TCERG1L: variants seen among roughly 807,000 people sequenced by gnomAD.
TCERG1L encodes transcription elongation regulator 1 like, also known as transcription elongation regulator 1-like protein.
Under a neutral mutation model 56.3 loss-of-function variants are expected in TCERG1L, and 37 were observed. The observed-to-expected ratio is 0.66, with a 90% CI of 0.51 to 0.87. The LOEUF is 0.87. TCERG1L is among the 40% of genes least tolerant of loss of function. TCERG1L has a pLI of 0.00. For synonymous variants in TCERG1L, 324 were observed against 326.3 expected, an observed-to-expected ratio of 0.99 and a Z score of 0.08; for missense variants, 799 against 774.2, an observed-to-expected ratio of 1.03 and a Z score of -0.38.
intron 4 of TCERG1L, among the ~76,000 whole-genome samples, chr10:131,248,913 T>G (rs532049369): frequency 6.6e-6 from 1 of 152,302 alleles, no homozygotes; most frequent in Non-Finnish European, 1.5e-5. Flanking sequence ...CTCCAGGTCA[T>G]GCCCATCCCT....
intron 3 of TCERG1L, among the ~76,000 whole-genome samples, chr10:131,298,650 G>A (rs1846723277): frequency 6.6e-6 from 1 of 152,200 alleles, no homozygotes; most frequent in African/African-American, 2.4e-5. Context: ...CTGACCTCAG[G>A]TGATCTGCCC....
At chr10:131,259,200 C>T (rs1230950244) in intron 4 of TCERG1L, among the ~76,000 whole-genome samples, 1 of 152,212 alleles carries the variant, frequency 6.6e-6, no homozygotes, top group Non-Finnish European at 1.5e-5. Flanking sequence ...ACTGCAAACA[C>T]TCCAAAAATT....
intron 6 of TCERG1L, 38 bp from the exon 7 acceptor site, chr10:131,146,698 AG>A: frequency 6.3e-7 from 1 of 1,579,938 alleles, no homozygotes; most frequent in Non-Finnish European, 8.6e-7. Context: ...TCGCTCTCGG[AG>A]ACACTTAATT....
At position 131,202,715 on chromosome 10, in the gene TCERG1L, T is replaced by C. The variant is rs369781063; in HGVS notation, c.857-35830A>G. On this transcript the variant is annotated intron_variant, in intron 4 of 11. Transcript: ENST00000368642. ...TCCTCTCCACATTTTCAGGAATCCA[T>C]AGGCTTGCATGGAATACACTGGAAA... 3.2e-4 allele frequency among the ~76,000 whole-genome samples: 49 copies of C among 152,328 alleles called. No homozygotes were observed. In the East Asian group the frequency reaches 6.2e-3, roughly 19 times the overall value.
rs116113902 is a variant in TCERG1L at position 131,307,501 on chromosome 10, A to G, written c.670+710T>C. Among the ~76,000 whole-genome samples, 1,107 of 152,304 alleles carry G rather than the reference A, an allele frequency of 7.3e-3. 15 individuals are homozygous for G. Among genetic ancestry groups the G allele is most frequent in the African/African-American group, 0.025 (1,045 of 41,556 alleles). ...ATTCTGAAGCCATAAAATATTCCAT[A>G]ATGGAAGGTGTTGCACGACAATTTT... is the stretch of plus-strand genomic sequence containing the variant. On this transcript the variant is annotated intron_variant, in intron 3 of 11. Transcript: ENST00000368642.
chr10:131,234,279 TTAAG>T (rs1234489341), intron 4 of TCERG1L, among the ~76,000 whole-genome samples: 3 of 152,252 alleles, frequency 2.0e-5, no homozygotes, highest in African/African-American at 7.2e-5. Context: ...CTGCTACCTT[TTAAG>T]TAAGCTGTTG....
At chr10:131,106,315 C>T (rs564944991) in intron 9 of TCERG1L, among the ~76,000 whole-genome samples, 1 of 152,190 alleles carries the variant, frequency 6.6e-6, no homozygotes, top group African/African-American at 2.4e-5. Flanking sequence ...GCACTAGGGC[C>T]ATGGCGGAGA....
intron 9 of TCERG1L, among the ~76,000 whole-genome samples, chr10:131,116,254 T>TA (rs1006954615): frequency 5.5e-4 from 84 of 152,276 alleles, no homozygotes; most frequent in African/African-American, 1.3e-3. Context: ...TAATTTTATT[T>TA]AAAAAACAGT....
intron 3 of TCERG1L, among the ~76,000 whole-genome samples, chr10:131,306,993 T>C (rs1249917754): frequency 6.6e-6 from 1 of 152,214 alleles, no homozygotes; most frequent in Non-Finnish European, 1.5e-5. Context: ...AAACTACATT[T>C]GCTGGTTATT....
intron 8 of TCERG1L, among the ~76,000 whole-genome samples, chr10:131,124,534 A>C (rs1177931441): frequency 1.3e-5 from 2 of 152,208 alleles, no homozygotes; most frequent in Non-Finnish European, 2.9e-5. Context: ...AAATTTATAA[A>C]ACAAGGTGAC....
intron 3 of TCERG1L, among the ~76,000 whole-genome samples, chr10:131,297,179 G>A (rs189616062): frequency 3.2e-4 from 48 of 152,258 alleles, no homozygotes; most frequent in African/African-American, 4.3e-4. Context: ...TCAGTTTGAC[G>A]TTAGTGGTAG....
At chr10:131,111,887 G>A (rs1032543701) in intron 9 of TCERG1L, among the ~76,000 whole-genome samples, 2 of 143,284 alleles carry the variant, frequency 1.4e-5, no homozygotes, top group Admixed American at 1.4e-4. Context: ...ATAAGACACC[G>A]GCAGCCGAAA....
intron 4 of TCERG1L, among the ~76,000 whole-genome samples, chr10:131,233,314 ATTCTGTGTT>A (rs1235786760): frequency 6.6e-6 from 1 of 152,226 alleles, no homozygotes; most frequent in African/African-American, 2.4e-5. Context: ...GGTCACACTT[ATTCTGTGTT>A]TTCATTAACA....
At chr10:131,259,324 A>G (rs1180858079) in intron 4 of TCERG1L, among the ~76,000 whole-genome samples, 1 of 152,240 alleles carries the variant, frequency 6.6e-6, no homozygotes, top group Non-Finnish European at 1.5e-5. Flanking sequence ...CTGATAATCT[A>G]GCAATTAATG....
chr10:131,224,077 T>C (rs971178117), intron 4 of TCERG1L, among the ~76,000 whole-genome samples: 17 of 152,110 alleles, frequency 1.1e-4, no homozygotes, highest in African/African-American at 3.6e-4. Flanking sequence ...TGAATTCCAG[T>C]CGATTAGGAA....
At chr10:131,195,942 C>T (rs961920572) in intron 4 of TCERG1L, among the ~76,000 whole-genome samples, 1 of 152,202 alleles carries the variant, frequency 6.6e-6, no homozygotes, top group African/African-American at 2.4e-5. Context: ...ACACAGGATG[C>T]GGGAAGCTGG....
intron 4 of TCERG1L, among the ~76,000 whole-genome samples, chr10:131,231,620 G>T (rs1412103914): frequency 3.3e-5 from 5 of 152,174 alleles, no homozygotes; most frequent in Admixed American, 3.3e-4. Context: ...CGTGAGGTCT[G>T]CCACTGCCTT....
intron 6 of TCERG1L, among the ~76,000 whole-genome samples, chr10:131,153,790 T>C (rs1845891463): frequency 6.6e-6 from 1 of 152,114 alleles, no homozygotes. Context: ...GTGGAGCTAA[T>C]TAGGACTTGG....
chr10:131,300,178 G>A (rs1846745312), intron 3 of TCERG1L, among the ~76,000 whole-genome samples: 1 of 152,242 alleles, frequency 6.6e-6, no homozygotes, highest in South Asian at 2.1e-4. Context: ...TGAATCAGAA[G>A]TTTAAATGTG....
Sources: gnomAD v4.1 joint callset for allele counts (sites outside exome capture counted in the v4.1 genomes callset) on GRCh38, gnomAD v4.1.1 for gene constraint, MANE v1.5 for transcripts, NCBI Gene and HGNC (gene_info 2026-07-23, HGNC 2026-07-21) for gene names.